Variants in TCF7L2 observed in about 807,000 individuals in gnomAD.
The protein encoded by TCF7L2 is transcription factor 7 like 2.
Under a neutral mutation model 77.9 loss-of-function variants are expected in TCF7L2, and 23 were observed. That is an observed-to-expected ratio of 0.30 (90% CI 0.21 to 0.42). The LOEUF is 0.42. Ranked by LOEUF, TCF7L2 falls within the 10% of genes least tolerant of loss-of-function variation. The pLI, the probability that TCF7L2 is intolerant of heterozygous loss-of-function variation, is 1.00. For synonymous variants in TCF7L2, 413 were observed against 340.2 expected, an observed-to-expected ratio of 1.21 and a Z score of -2.36; for missense variants, 654 against 793.1, an observed-to-expected ratio of 0.82 and a Z score of 2.11.
intron 3 of TCF7L2, among the ~76,000 whole-genome samples, chr10:112,963,221 AT>A (rs560203040): frequency 0.024 from 3,578 of 151,964 alleles, 134 homozygotes; most frequent in African/African-American, 0.082. Context: ...GATTTAGACT[AT>A]TTTTTTTATG....
chr10:112,976,052 A>C (rs1349904391), intron 4 of TCF7L2, among the ~76,000 whole-genome samples: 1 of 152,182 alleles, frequency 6.6e-6, no homozygotes, highest in Non-Finnish European at 1.5e-5. Context: ...AGTCAGGTAT[A>C]TCTATCTGGG....
At chr10:113,121,398 C>T (rs1025189256) in intron 5 of TCF7L2, among the ~76,000 whole-genome samples, 4 of 152,194 alleles carry the variant, frequency 2.6e-5, no homozygotes, top group African/African-American at 9.7e-5. Flanking sequence ...ACAGATTTGC[C>T]GCAAGGCCTG....
At chr10:113,017,045 T>G (rs1000439193) in intron 4 of TCF7L2, among the ~76,000 whole-genome samples, 1 of 152,118 alleles carries the variant, frequency 6.6e-6, no homozygotes, top group African/African-American at 2.4e-5. Context: ...ACCAGCGATA[T>G]CTCTTCTCCA....
At chr10:113,082,105 T>C (rs1172004977) in intron 5 of TCF7L2, among the ~76,000 whole-genome samples, 1 of 150,430 alleles carries the variant, frequency 6.6e-6, no homozygotes. Context: ...CCCAAAGTGC[T>C]GGGATTATAG....
chr10:113,119,680 T>TA (rs57669397), intron 5 of TCF7L2, among the ~76,000 whole-genome samples: 27,094 of 151,364 alleles, frequency 0.18, 2,829 homozygotes, highest in Middle Eastern at 0.32. Context: ...GTTTTTTTTT[T>TA]TAAAAAAACT....
At chr10:113,160,839 C>CAAGG in intron 13 of TCF7L2, 2 of 750,558 alleles carry the variant, frequency 2.7e-6, no homozygotes, top group African/African-American at 1.8e-5. Flanking sequence ...AATTTCCTTG[C>CAAGG]TAATTTTATG....
chr10:112,966,307 CCTAA>C (rs765219886), intron 4 of TCF7L2, among the ~76,000 whole-genome samples: 21 of 151,056 alleles, frequency 1.4e-4, no homozygotes, highest in South Asian at 2.1e-4. Flanking sequence ...CTTCTCCACT[CCTAA>C]CTGTTTCCAA....
intron 4 of TCF7L2, among the ~76,000 whole-genome samples, chr10:112,983,104 C>A (rs979544953): frequency 2.6e-4 from 39 of 151,830 alleles, no homozygotes; most frequent in African/African-American, 8.5e-4. Flanking sequence ...TTGGTTGTAA[C>A]GTCTGCTCTG....
chr10:113,083,314 TCA>T (rs1456007361), intron 5 of TCF7L2, among the ~76,000 whole-genome samples: 2 of 146,744 alleles, frequency 1.4e-5, no homozygotes, highest in Non-Finnish European at 3.0e-5. Context: ...GGGCCCATAC[TCA>T]CACCTTGCCA....
chr10:113,028,338 AAGGTCAGC>A (rs2049584207), intron 4 of TCF7L2, among the ~76,000 whole-genome samples: 1 of 152,100 alleles, frequency 6.6e-6, no homozygotes, highest in African/African-American at 2.4e-5. Flanking sequence ...GGGCCTCCAG[AAGGTCAGC>A]CTCCCGTAAA....
At chr10:113,006,646 A>G (rs1377167775) in intron 4 of TCF7L2, among the ~76,000 whole-genome samples, 1 of 152,226 alleles carries the variant, frequency 6.6e-6, no homozygotes. Flanking sequence ...TCTGATTCCT[A>G]TAGCCATAGA....
intron 4 of TCF7L2, among the ~76,000 whole-genome samples, chr10:112,990,273 A>G (rs1308690160): frequency 6.6e-6 from 1 of 152,064 alleles, no homozygotes; most frequent in African/African-American, 2.4e-5. Flanking sequence ...TGGAGGGTAT[A>G]CTTTTAATTA....
At chr10:113,033,761 G>A (rs1487350596) in intron 4 of TCF7L2, among the ~76,000 whole-genome samples, 1 of 152,142 alleles carries the variant, frequency 6.6e-6, no homozygotes, top group African/African-American at 2.4e-5. Flanking sequence ...TGCAATTCCT[G>A]GAGTATGTTT....
At chr10:113,051,186 A>C (rs1218592573) in intron 5 of TCF7L2, among the ~76,000 whole-genome samples, 1 of 148,260 alleles carries the variant, frequency 6.7e-6, no homozygotes, top group Non-Finnish European at 1.5e-5. Context: ...AATTGCCTTC[A>C]TACATGTGCA....
chr10:113,119,676 T>C, intron 5 of TCF7L2, among the ~76,000 whole-genome samples: 1 of 145,002 alleles, frequency 6.9e-6, no homozygotes, highest in Admixed American at 6.9e-5. Context: ...AGGTGTTTTT[T>C]TTTTTAAAAA....
intron 4 of TCF7L2, among the ~76,000 whole-genome samples, chr10:113,008,059 T>C (rs570962519): frequency 6.6e-6 from 1 of 152,360 alleles, no homozygotes; most frequent in Non-Finnish European, 1.5e-5. Flanking sequence ...TTTCATCACA[T>C]GCAAAAGTGA....
At chr10:112,998,884 A>G (rs1016939881) in intron 4 of TCF7L2, among the ~76,000 whole-genome samples, 2 of 152,254 alleles carry the variant, frequency 1.3e-5, no homozygotes, top group Non-Finnish European at 2.9e-5. Context: ...ACATCACATC[A>G]AATTAAGATA....
intron 4 of TCF7L2, among the ~76,000 whole-genome samples, chr10:113,007,733 T>C (rs1015007263): frequency 2.0e-5 from 3 of 152,102 alleles, no homozygotes; most frequent in Non-Finnish European, 4.4e-5. Flanking sequence ...GTGTGAAAAC[T>C]TGGGGGAGAA....
At chr10:113,013,703 G>A (rs2046843094) in intron 4 of TCF7L2, among the ~76,000 whole-genome samples, 1 of 152,192 alleles carries the variant, frequency 6.6e-6, no homozygotes, top group Admixed American at 6.5e-5. Flanking sequence ...GAACTTTAGA[G>A]CAAAGAAAGG....
Sources: allele counts gnomAD v4.1 joint callset (sites outside exome capture counted in the v4.1 genomes callset), GRCh38; gene constraint gnomAD v4.1.1; transcripts MANE v1.5; gene names NCBI Gene and HGNC (gene_info 2026-07-23, HGNC 2026-07-21).